Variants in CSMD1 observed in about 807,000 individuals in gnomAD.
CSMD1 encodes CUB and sushi domain-containing protein 1.
CSMD1 carries 213 observed loss-of-function variants against 417.5 expected under a neutral mutation model. The ratio of observed to expected loss-of-function variants is 0.51; its 90% confidence interval spans 0.46 to 0.57. The LOEUF (loss-of-function observed/expected upper bound fraction) is 0.57, where lower values mean the gene tolerates loss of function less well. CSMD1 is among the 20% of genes least tolerant of loss of function. CSMD1 has a pLI of 0.00. For missense variants in CSMD1, 6,923 were observed against 4,529.7 expected, an observed-to-expected ratio of 1.53 and a Z score of -15.17; for synonymous variants, 2,862 against 1,736.8, an observed-to-expected ratio of 1.65 and a Z score of -16.11.
At chr8:3,884,269 C>G (rs939020144) in intron 5 of CSMD1, among the ~76,000 whole-genome samples, 1 of 152,162 alleles carries the variant, frequency 6.6e-6, no homozygotes, top group Non-Finnish European at 1.5e-5. Flanking sequence ...CTGTCTTCAA[C>G]TTAACATACA....
rs1801728874 is a variant in CSMD1, at chr8:4,620,693, A to ACT, written c.302+16648_302+16649insAG. Among the ~76,000 whole-genome samples, 3 of 151,922 alleles carry ACT rather than the reference A, an allele frequency of 2.0e-5. No homozygotes were observed. In the South Asian group the frequency reaches 6.2e-4, roughly 31 times the overall value. On this transcript the variant is annotated intron_variant, in intron 2 of 69. Transcript: ENST00000635120. ...AAGATAAAATCATAAGAGAAGTTAG[A>ACT]AAATATTTTAAACTAAATTACTAGT...
intron 3 of CSMD1, among the ~76,000 whole-genome samples, chr8:4,118,939 G>T (rs7841829): frequency 8.5e-5 from 13 of 152,140 alleles, no homozygotes; most frequent in East Asian, 5.8e-4. Flanking sequence ...ATTTCCTTTG[G>T]GGGGACATGG....
At chr8:3,204,631 C>G (rs1011904420) in intron 31 of CSMD1, among the ~76,000 whole-genome samples, 2 of 152,170 alleles carry the variant, frequency 1.3e-5, no homozygotes, top group Non-Finnish European at 2.9e-5. Context: ...GGCTCCCACA[C>G]ACAAGTTTCT....
intron 5 of CSMD1, among the ~76,000 whole-genome samples, chr8:3,987,090 C>T (rs1311663126): frequency 6.6e-6 from 1 of 152,136 alleles, no homozygotes; most frequent in African/African-American, 2.4e-5. Context: ...TTTGTGAAAA[C>T]GATGGGTTCC....
At chr8:4,886,884 CTATT>C (rs1471899299) in intron 1 of CSMD1, among the ~76,000 whole-genome samples, 1 of 151,900 alleles carries the variant, frequency 6.6e-6, no homozygotes, top group Non-Finnish European at 1.5e-5. Context: ...ATTGGAAAGT[CTATT>C]TAAGACTTTT....
At chr8:4,003,576 T>C (rs183642904) in intron 4 of CSMD1, among the ~76,000 whole-genome samples, 238 of 152,326 alleles carry the variant, frequency 1.6e-3, no homozygotes, top group Middle Eastern at 3.4e-3. Context: ...CTTATTATGA[T>C]AGGCATTCAA....
chr8:3,612,086 G>A (rs1317914408), intron 8 of CSMD1, among the ~76,000 whole-genome samples: 1 of 152,006 alleles, frequency 6.6e-6, no homozygotes, highest in Non-Finnish European at 1.5e-5. Flanking sequence ...GCAACAGATT[G>A]AATATAGAAA....
chr8:4,504,494 T>G (rs1275779942), intron 2 of CSMD1, among the ~76,000 whole-genome samples: 3 of 152,196 alleles, frequency 2.0e-5, no homozygotes, highest in Non-Finnish European at 4.4e-5. Flanking sequence ...ATTTAAGTTC[T>G]GGAATACATG....
At chr8:3,403,664 G>C (rs1356112230) in intron 15 of CSMD1, among the ~76,000 whole-genome samples, 1 of 152,180 alleles carries the variant, frequency 6.6e-6, no homozygotes, top group African/African-American at 2.4e-5. Flanking sequence ...ACAGAACAGA[G>C]ATGAGAGTGT....
intron 55 of CSMD1, among the ~76,000 whole-genome samples, chr8:2,977,523 T>G (rs908889463): frequency 6.6e-6 from 1 of 152,208 alleles, no homozygotes; most frequent in Non-Finnish European, 1.5e-5. Context: ...TTGGGTTGAT[T>G]CCATGTGTGG....
At chr8:3,213,953 C>G (rs1172098796) in intron 30 of CSMD1, among the ~76,000 whole-genome samples, 3 of 151,812 alleles carry the variant, frequency 2.0e-5, no homozygotes, top group African/African-American at 7.3e-5. Flanking sequence ...TCAAGCGATT[C>G]TCCTGCCTCA....
chr8:3,195,918 A>G (rs547453334), intron 33 of CSMD1, among the ~76,000 whole-genome samples: 2 of 152,322 alleles, frequency 1.3e-5, no homozygotes, highest in Non-Finnish European at 2.9e-5. Context: ...TGTTTGATCC[A>G]GAGTGACTCC....
At chr8:4,098,254 T>A (rs556524102) in intron 3 of CSMD1, among the ~76,000 whole-genome samples, 1 of 152,206 alleles carries the variant, frequency 6.6e-6, no homozygotes, top group African/African-American at 2.4e-5. Flanking sequence ...AAATACAATG[T>A]ACTTCAGATG....
chr8:4,300,923 C>T (rs148344077), intron 3 of CSMD1, among the ~76,000 whole-genome samples: 2,307 of 152,232 alleles, frequency 0.015, 32 homozygotes, highest in South Asian at 0.052. Flanking sequence ...TTTTCTTAAT[C>T]CAGACTATCG....
At chr8:4,891,018 T>A (rs927427783) in intron 1 of CSMD1, among the ~76,000 whole-genome samples, 3 of 152,076 alleles carry the variant, frequency 2.0e-5, no homozygotes, top group Non-Finnish European at 4.4e-5. Flanking sequence ...TCCAAATAAA[T>A]AGATATGTGG....
chr8:4,374,915 C>G (rs192263893), intron 3 of CSMD1, among the ~76,000 whole-genome samples: 131 of 123,474 alleles, frequency 1.1e-3, no homozygotes, highest in Non-Finnish European at 1.6e-3. Context: ...TTCCAGGTTT[C>G]TAATCAGAGT....
chr8:4,490,080 C>T (rs531304958), intron 2 of CSMD1, among the ~76,000 whole-genome samples: 20 of 147,226 alleles, frequency 1.4e-4, no homozygotes, highest in African/African-American at 5.0e-4. Flanking sequence ...CTTGCTCTGT[C>T]ACCAGGCTAG....
At chr8:3,068,662 G>A (rs1813114496) in intron 49 of CSMD1, among the ~76,000 whole-genome samples, 1 of 152,138 alleles carries the variant, frequency 6.6e-6, no homozygotes, top group Non-Finnish European at 1.5e-5. Flanking sequence ...AGGCCAAGGG[G>A]GAGCAGGCTT....
chr8:4,539,936 A>G (rs558336681), intron 2 of CSMD1, among the ~76,000 whole-genome samples: 8 of 151,748 alleles, frequency 5.3e-5, no homozygotes, highest in Admixed American at 5.3e-4. Flanking sequence ...CTTCCCATCT[A>G]CCCCAGCCCA....
Sources: gnomAD v4.1 joint callset for allele counts (sites outside exome capture counted in the v4.1 genomes callset) on GRCh38, gnomAD v4.1.1 for gene constraint, MANE v1.5 for transcripts, NCBI Gene and HGNC (gene_info 2026-07-23, HGNC 2026-07-21) for gene names.